The following WDR90 variants were observed in gnomAD, a reference collection of about 807,000 sequenced individuals.
WDR90 encodes WD repeat-containing protein 90.
Under a neutral mutation model 195.2 loss-of-function variants are expected in WDR90, and 238 were observed. That is an observed-to-expected ratio of 1.22 (90% CI 1.10 to 1.36). The LOEUF (loss-of-function observed/expected upper bound fraction) is 1.36, where lower values mean the gene tolerates loss of function less well. WDR90 is among the 40% of genes most tolerant of loss of function. WDR90 has a pLI of 0.00. For synonymous variants in WDR90, 1,265 were observed against 1,052.4 expected (o/e 1.20, Z -3.91); for missense variants, 2,734 against 2,439.5 (o/e 1.12, Z -2.54).
Position 656,421 on chromosome 16 carries a change from G to A in WDR90, c.2086G>A (p.Ala696Thr), listed in dbSNP as rs530944802. The change falls in exon 18 of 41, where the codon GCT (alanine) becomes ACT (threonine). Residue 696 changes from alanine to threonine, a missense_variant. Physicochemically the swap from Ala to Thr is moderately conservative, Grantham distance 58. Transcript: ENST00000293879. ...GCTGTCCCGGGTGTACCACATGCTG[G>A]CTCGCTCCCACACCGCCCCGGTGTT... ...DTLSRVYHML[A>T]RSHTAPVLAL... The A allele has an allele frequency of 3.1e-6, 5 of 1,605,370 alleles. No homozygotes were observed. The highest frequency in any genetic ancestry group is 4.2e-6 in the Non-Finnish European group (5 of 1,178,344).
Position 661,667 on chromosome 16 carries a change from C to T in WDR90, c.3744C>T (p.Leu1248=). ...ATYDLVSSTR[L]PEPVHGVAFN... Reference sequence around the variant, plus strand: ...ATGACCTCGTGTCCTCCACCCGCCTCCCGGAGCCGGTGCATGGTGTGGCCT... The same window carrying T: ...ATGACCTCGTGTCCTCCACCCGCCTTCCGGAGCCGGTGCATGGTGTGGCCT... The change falls in exon 31 of 41, where the codon CTC becomes CTT. Residue 1248 remains leucine, a synonymous_variant. Coordinates refer to ENST00000293879, the MANE Select transcript of WDR90 (RefSeq NM_145294.5). 6.2e-7 allele frequency: 1 copy of T among 1,611,922 alleles called. No individual in the cohort carries two copies. The highest frequency in any genetic ancestry group is 1.1e-5 in the South Asian group (1 of 91,028).
At position 653,758 on chromosome 16, in the gene WDR90, C is replaced by CG; in HGVS notation, c.1396dup (p.Ala466GlyfsTer39). 6.2e-7 allele frequency: 1 copy of CG among 1,613,256 alleles called. No individual in the cohort carries two copies. Among genetic ancestry groups the CG allele is most frequent in the South Asian group, 1.1e-5 (1 of 91,086 alleles). On this transcript the variant is annotated frameshift_variant, in exon 13 of 41. Transcript: ENST00000293879. LOFTEE classifies it high-confidence loss of function. ...TCCCTGTTCACAGCTTCTCTGACAG[C>CG]GGGGCCCTTCTCTGCGGGGTTGGCA...
At chr16:664,796 C>T (rs1219765594) in intron 34 of WDR90, among the ~76,000 whole-genome samples, 1 of 151,954 alleles carries the variant, frequency 6.6e-6, no homozygotes, top group Non-Finnish European at 1.5e-5. Flanking sequence ...TCTCCTGTCT[C>T]AGCCTCCCAA....
chr16:652,555 G>A lies in WDR90; in HGVS notation c.1122+20G>A, dbSNP rs1421104875. 1 of 1,592,672 alleles carries A rather than the reference G, an allele frequency of 6.3e-7. No individual in the cohort carries two copies. Among genetic ancestry groups the A allele is most frequent in the Non-Finnish European group, 8.6e-7 (1 of 1,168,492 alleles). ...AGACAGGTGAGGCTCCTGCGGCTGT[G>A]TCCAGAGCAGCTCTCGTTGGCCGGC... On this transcript the variant is annotated intron_variant, in intron 10 of 40. Coordinates refer to ENST00000293879, the MANE Select transcript of WDR90 (RefSeq NM_145294.5).
rs750894956 is a variant in WDR90 at position 661,705 on chromosome 16, A to G, written c.3782A>G (p.Asp1261Gly). 1.2e-6 allele frequency: 2 copies of G among 1,612,440 alleles called. No individual in the cohort carries two copies. The highest frequency in any genetic ancestry group is 1.7e-6 in the Non-Finnish European group (2 of 1,179,828). The change falls in exon 31 of 41, where the codon GAC becomes GGC. Residue 1261 changes from aspartate to glycine, a missense_variant. Physicochemically the swap from Asp to Gly is moderately conservative, Grantham distance 94. Transcript: ENST00000293879. Reference protein sequence around the residue: ...PVHGVAFNPWDAGELTCVGQG... With the variant: ...PVHGVAFNPWGAGELTCVGQG... The stretch of plus-strand genomic sequence containing the variant: ...CATGGTGTGGCCTTCAACCCCTGGG[A>G]CGCCGGCGAGCTCACCTGTGTGGGC...
intron 34 of WDR90, chr16:665,136 G>A (rs889514015): frequency 5.0e-6 from 1 of 201,746 alleles, no homozygotes; most frequent in Non-Finnish European, 1.0e-5. Flanking sequence ...CCTGCATAAT[G>A]ACACGTCTGC....
Position 656,519 on chromosome 16 carries a change from C to G in WDR90, c.2184C>G (p.Asp728Glu). 6.4e-7 allele frequency: 1 copy of G among 1,569,434 alleles called. No individual in the cohort carries two copies. The change falls in exon 18 of 41, where the codon GAC becomes GAG. Residue 728 changes from aspartate (D) to glutamate (E), a missense_variant. Physicochemically the swap from Asp to Glu is conservative, Grantham distance 45. Coordinates refer to ENST00000293879, the MANE Select transcript of WDR90 (RefSeq NM_145294.5). ...AGGACCGTACCGTCCGCATCTGGGA[C>G]CTGGCCACCCTGCAGCAGGTGGGGT... ...VSQDRTVRIW[D>E]LATLQQLYDF... is the part of the protein sequence containing the mutation.
At position 660,090 on chromosome 16, in the gene WDR90, C is replaced by G. The variant is rs367651529; in HGVS notation, c.3217C>G (p.Arg1073Gly). ...GGACACCAGGAATTCGGGGGCCCCACGCACCACCTACCTGGCTTCCTGCAA... is the reference window on the plus strand; with the variant it reads ...GGACACCAGGAATTCGGGGGCCCCAGGCACCACCTACCTGGCTTCCTGCAA... ...ARDTRNSGAP[R>G]TTYLASCKAF... The change falls in exon 27 of 41, where the codon CGC becomes GGC. Residue 1073 changes from arginine to glycine, a missense_variant. Coordinates refer to ENST00000293879, the MANE Select transcript of WDR90 (RefSeq NM_145294.5). 39 of 1,547,776 alleles carry G rather than the reference C, an allele frequency of 2.5e-5. No homozygotes were observed. The African/African-American group carries it at 5.2e-4, about 21-fold the overall frequency.
Position 657,873 on chromosome 16 carries a change from G to A in WDR90, c.2585G>A (p.Gly862Asp). ...TCCAGGTGCACAGTGACAGTCATGG[G>A]CTCGGCCTCCCTTGATGAGGTGAGT... ...GPSRCTVTVMGSASLDELLRV... is the reference protein window; with the variant it reads ...GPSRCTVTVMDSASLDELLRV... Residue 862 changes from glycine to aspartate, a missense_variant, in exon 21 of 41, where the codon GGC becomes GAC. Gly to Asp is a moderately conservative substitution (Grantham distance 94). Coordinates refer to ENST00000293879, the MANE Select transcript of WDR90 (RefSeq NM_145294.5). 6.3e-7 allele frequency: 1 copy of A among 1,585,246 alleles called. No homozygotes were observed. The highest frequency in any genetic ancestry group is 1.8e-5 in the Admixed American group (1 of 55,874).
Position 655,607 on chromosome 16 carries a change from A to G in WDR90, c.1753A>G (p.Ile585Val). 6.2e-7 allele frequency: 1 copy of G among 1,606,492 alleles called. No homozygotes were observed. The highest frequency in any genetic ancestry group is 8.5e-7 in the Non-Finnish European group (1 of 1,175,962). Reference sequence around the variant, plus strand: ...CAGCCGCAGTGGCCACATCTTGGAGATTGACTGTCAGCGCATGGTCGTGCG... The same window carrying G: ...CAGCCGCAGTGGCCACATCTTGGAGGTTGACTGTCAGCGCATGGTCGTGCG... ...VCSRSGHILEIDCQRMVVRHA... is the reference protein window; with the variant it reads ...VCSRSGHILEVDCQRMVVRHA... Residue 585 changes from isoleucine to valine, a missense_variant, in exon 16 of 41, where the codon ATT becomes GTT. Coordinates refer to ENST00000293879, the MANE Select transcript of WDR90 (RefSeq NM_145294.5).
At position 666,101 on chromosome 16, in the gene WDR90, C is replaced by T. The variant is rs772605454; in HGVS notation, c.4586C>T (p.Thr1529Ile). 5 of 1,610,612 alleles carry T rather than the reference C, an allele frequency of 3.1e-6. No homozygotes were observed. In the East Asian group the frequency reaches 8.9e-5, roughly 29 times the overall value. The change falls in exon 36 of 41, where the codon ACC becomes ATC. Residue 1529 changes from threonine to isoleucine, a missense_variant. Physicochemically the swap from Thr to Ile is moderately conservative, Grantham distance 89 (BLOSUM62 -1). Transcript: ENST00000293879. ...LKMHPHPVAL[T>I]TVAFSTDGQT... ...ATGCACCCCCACCCGGTGGCGCTGA[C>T]CACTGTTGCCTTCTCCACCGATGGT... is the stretch of plus-strand genomic sequence containing the variant.
At chr16:662,530 T>G in intron 33 of WDR90, 149 bp from the exon 34 acceptor site, 1 of 1,250,522 alleles carries the variant, frequency 8.0e-7, no homozygotes, top group Non-Finnish European at 1.1e-6. Context: ...AAGCCCCAGC[T>G]CCATGGGCTT....
chr16:665,289 CG>C, intron 34 of WDR90: 1 of 410,380 alleles, frequency 2.4e-6, no homozygotes, highest in South Asian at 3.9e-5. Flanking sequence ...CTGCTAGGGA[CG>C]CACGGCCACA....
Position 649,786 on chromosome 16 carries a change from GT to G in WDR90, c.35del (p.Val12AlafsTer27). 6.4e-7 allele frequency: 1 copy of G among 1,570,736 alleles called. No homozygotes were observed. Among genetic ancestry groups the G allele is most frequent in the Non-Finnish European group, 8.6e-7 (1 of 1,158,536 alleles). On this transcript the variant is annotated frameshift_variant, in exon 2 of 41. Coordinates refer to ENST00000293879, the MANE Select transcript of WDR90 (RefSeq NM_145294.5). LOFTEE classifies it high-confidence loss of function. ...AGCGTGGCAGCACCCGTTCCTCAAC[GT>G]CTTCAGACACTTCCGGGTGGACGAG... The part of the protein sequence containing the change: ...ARAWQHPFLN[V>X]FRHFRVDEWK...
At chr16:667,013 G>A in intron 40 of WDR90, 24 bp downstream of exon 40, 3 of 1,571,988 alleles carry the variant, frequency 1.9e-6, no homozygotes, top group South Asian at 2.3e-5. Flanking sequence ...GATGCAGTTT[G>A]GGCCTGTCTT....
chr16:665,231 G>C (rs2037997169), intron 34 of WDR90: 1 of 339,994 alleles, frequency 2.9e-6, no homozygotes, highest in Admixed American at 4.8e-5. Context: ...TCTGCAGCCT[G>C]CTAGGGACGC....
At position 653,247 on chromosome 16, in the gene WDR90, C is replaced by T. The variant is rs1309134701; in HGVS notation, c.1123-94C>T. ...GTGTGCCAGGCCTGCCACCCCCTCTCCCTGGGCTGGAGTGGGAGGTGAGGC... is the reference window on the plus strand; with the variant it reads ...GTGTGCCAGGCCTGCCACCCCCTCTTCCTGGGCTGGAGTGGGAGGTGAGGC... On this transcript the variant is annotated intron_variant, in intron 10 of 40. Coordinates refer to ENST00000293879, the MANE Select transcript of WDR90 (RefSeq NM_145294.5). The T allele has an allele frequency of 5.5e-6, 6 of 1,081,752 alleles. 1 individual carries two copies. The highest frequency in any genetic ancestry group is 5.1e-5 in the South Asian group (3 of 59,138). The allele number at this position is 1,081,752 out of a possible 1,614,324, so 67.0% of individuals were successfully genotyped here.
At chr16:651,583 C>T in intron 7 of WDR90, 61 bp from the exon 8 acceptor site, 1 of 1,541,300 alleles carries the variant, frequency 6.5e-7, no homozygotes, top group Non-Finnish European at 8.9e-7. Context: ...CCAGGCGTCA[C>T]CCTCACCAGG....
rs760732108 is a variant in WDR90, at chr16:657,803, CT to C, written c.2516del (p.Leu839ArgfsTer20). The C allele has an allele frequency of 1.9e-6, 3 of 1,559,584 alleles. No homozygotes were observed. The South Asian group carries it at 3.5e-5, about 18-fold the overall frequency. On this transcript the variant is annotated frameshift_variant, in exon 21 of 41. Transcript: ENST00000293879. LOFTEE classifies it high-confidence loss of function. ...CPDAPASPSA[L>X]AVSRDGRLLA... ...GGATGCCCCCGCGAGCCCCAGCGCC[CT>C]GGCAGTCAGCAGGGATGGCCGCCTG...
Sources: gnomAD v4.1 joint callset for allele counts (sites outside exome capture counted in the v4.1 genomes callset) on GRCh38, gnomAD v4.1.1 for gene constraint, MANE v1.5 for transcripts, NCBI Gene and HGNC (gene_info 2026-07-23, HGNC 2026-07-21) for gene names.